DNAH10: variants seen among roughly 807,000 people sequenced by gnomAD.
The protein encoded by DNAH10 is axonemal beta dynein heavy chain 10.
A neutral mutation model predicts 506.6 loss-of-function variants in DNAH10; 348 were observed. The observed-to-expected ratio is 0.69, with a 90% CI of 0.63 to 0.75. The LOEUF is 0.75. Among genes scored for constraint, DNAH10 ranks in the 30% least tolerant of loss-of-function variants. The pLI is 0.00. For synonymous variants in DNAH10, 2,059 were observed against 2,198.6 expected, an observed-to-expected ratio of 0.94 and a Z score of 1.78; for missense variants, 5,179 against 5,787.1, an observed-to-expected ratio of 0.89 and a Z score of 3.41.
chr12:123,813,136 T>A (rs759456787), intron 19 of DNAH10, 28 bp from the exon 20 acceptor site: 1 of 1,552,002 alleles, frequency 6.4e-7, no homozygotes, highest in South Asian at 1.2e-5. Flanking sequence ...TAAAATACTG[T>A]CTTTTCTCCT....
At chr12:123,799,575 C>G (rs765782996) in intron 14 of DNAH10, among the ~76,000 whole-genome samples, 2 of 152,148 alleles carry the variant, frequency 1.3e-5, no homozygotes, top group Non-Finnish European at 2.9e-5. Context: ...ACGGGCAGCC[C>G]TACTGACTTC....
At chr12:123,891,743 G>A (rs1010995240) in intron 52 of DNAH10, among the ~76,000 whole-genome samples, 10 of 152,134 alleles carry the variant, frequency 6.6e-5, no homozygotes, top group Non-Finnish European at 8.8e-5. Flanking sequence ...GACCATCCCC[G>A]GCTCCGTGAC....
Position 123,913,243 on chromosome 12 carries a change from A to G in DNAH10, c.10280A>G (p.Glu3427Gly). Reference sequence around the variant, plus strand: ...CTGGAAAAGCAGAAGCTGCAGGAAGAAGCCGAGATCATGGAGAGGCGGCTG... The same window carrying G: ...CTGGAAAAGCAGAAGCTGCAGGAAGGAGCCGAGATCATGGAGAGGCGGCTG... ...AILEKQKLQEEAEIMERRLIA... is the reference protein window; with the variant it reads ...AILEKQKLQEGAEIMERRLIA... Residue 3427 changes from glutamate to glycine, a missense_variant, in exon 60 of 79, where the codon GAA (glutamate) becomes GGA (glycine). Glu to Gly is a moderately conservative substitution (Grantham distance 98, BLOSUM62 -2). Transcript: ENST00000673944. The surrounding 1 kb of genome is among the most constrained non-coding windows in gnomAD (Gnocchi z 5.1). The G allele has an allele frequency of 6.2e-7, 1 of 1,609,518 alleles. No homozygotes were observed. The highest frequency in any genetic ancestry group is 2.2e-5 in the East Asian group (1 of 44,782).
rs1958187659 is a variant in DNAH10 at position 123,794,114 on chromosome 12, TA to T, written c.1986+4del. 7.6e-6 allele frequency: 9 copies of T among 1,180,936 alleles called. No individual in the cohort carries two copies. The highest frequency in any genetic ancestry group is 9.7e-6 in the Non-Finnish European group (9 of 930,762). The allele number at this position is 1,180,936 out of a possible 1,614,324, so 73.2% of individuals were successfully genotyped here. On this transcript the variant is annotated splice_donor_region_variant and intron_variant, in intron 12 of 78. Coordinates refer to ENST00000673944, the MANE Select transcript of DNAH10 (RefSeq NM_001372106.1). ...ATTCTTGCACAGTACTGTAAAGAGG[TA>T]ATTGAAAAATCGATAGCTGCCATAG...
intron 59 of DNAH10, among the ~76,000 whole-genome samples, chr12:123,911,299 G>T (rs1199778239): frequency 5.2e-5 from 1 of 19,132 alleles, no homozygotes; most frequent in Non-Finnish European, 1.2e-4. Context: ...GTCCTGGGGG[G>T]TCTGTCCTGG....
chr12:123,827,371 A>G (rs1960098816), intron 25 of DNAH10, among the ~76,000 whole-genome samples: 1 of 152,246 alleles, frequency 6.6e-6, no homozygotes, highest in African/African-American at 2.4e-5. Context: ...GAGATATTTT[A>G]CATTCTTCTT....
Position 123,826,755 on chromosome 12 carries a change from T to C in DNAH10, c.4248T>C (p.Ile1416=). ...NLNVQILQEG[I]EGFLRALRKL... is the part of the protein sequence containing the mutation. ...ATGTGCAGATTCTCCAGGAAGGAATTGAAGGTTTTCTCAGGGCTCTCAGAA... is the reference window on the plus strand; with the variant it reads ...ATGTGCAGATTCTCCAGGAAGGAATCGAAGGTTTTCTCAGGGCTCTCAGAA... Residue 1416 remains isoleucine (I), a synonymous_variant, in exon 25 of 79, where the codon ATT becomes ATC. Coordinates refer to ENST00000673944, the MANE Select transcript of DNAH10 (RefSeq NM_001372106.1). 1 of 1,613,928 alleles carries C rather than the reference T, an allele frequency of 6.2e-7. No homozygotes were observed. Among genetic ancestry groups the C allele is most frequent in the East Asian group, 2.2e-5 (1 of 44,882 alleles).
chr12:123,857,327 A>G (rs1329375862), intron 37 of DNAH10, 80 bp downstream of exon 37: 14 of 1,284,914 alleles, frequency 1.1e-5, no homozygotes, highest in Non-Finnish European at 1.4e-5. Context: ...TTAAAAATAT[A>G]TGTACAGTAA....
Position 123,853,416 on chromosome 12 carries a change from T to G in DNAH10, c.6438+64T>G. 6.4e-7 allele frequency: 1 copy of G among 1,554,054 alleles called. No individual in the cohort carries two copies. Among genetic ancestry groups the G allele is most frequent in the Non-Finnish European group, 8.7e-7 (1 of 1,148,986 alleles). The stretch of plus-strand genomic sequence containing the variant: ...GCTTCAGGCATTTACTACGTGCCAT[T>G]GGGGAGGTGATGGGCACAGTATGGT... On this transcript the variant is annotated intron_variant, in intron 36 of 78. Transcript: ENST00000673944. This position sits in a 1 kb window ranked among gnomAD's most constrained non-coding sequence, Gnocchi z 4.7.
chr12:123,881,854 A>G, intron 51 of DNAH10, 41 bp downstream of exon 51: 1 of 1,429,930 alleles, frequency 7.0e-7, no homozygotes, highest in African/African-American at 1.5e-5. Context: ...TTACGATGCC[A>G]GTTTCTGCAG....
chr12:123,799,356 G>A lies in DNAH10; in HGVS notation c.2274G>A (p.Lys758=). Residue 758 remains lysine, a synonymous_variant, in exon 14 of 79, where the codon AAG becomes AAA. Transcript: ENST00000673944. Reference sequence around the variant, plus strand: ...AGGTGCTGCCAGCTCTCATGAAGAAGAGCCTTTTGACCAAGGTGCGCTGCC... The same window carrying A: ...AGGTGCTGCCAGCTCTCATGAAGAAAAGCCTTTTGACCAAGGTGCGCTGCC... The part of the protein sequence containing the change: ...TEQVLPALMK[K]SLLTKSSIAT... 6.2e-7 allele frequency: 1 copy of A among 1,612,282 alleles called. No individual in the cohort carries two copies. The highest frequency in any genetic ancestry group is 8.5e-7 in the Non-Finnish European group (1 of 1,178,672).
At position 123,926,969 on chromosome 12, in the gene DNAH10, G is replaced by T; in HGVS notation, c.12105+149G>T. 1 of 798,844 alleles carries T rather than the reference G, an allele frequency of 1.3e-6. No individual in the cohort carries two copies. The highest frequency in any genetic ancestry group is 2.0e-6 in the Non-Finnish European group (1 of 510,756). 49.5% of individuals were successfully genotyped at this position (798,844 alleles called of 1,614,324 possible). A position where few individuals can be genotyped will look rare whatever the true frequency, so the allele number is the denominator to read the frequency against. On this transcript the variant is annotated intron_variant, in intron 69 of 78. Coordinates refer to ENST00000673944, the MANE Select transcript of DNAH10 (RefSeq NM_001372106.1). This position sits in a 1 kb window ranked among gnomAD's most constrained non-coding sequence, Gnocchi z 4.1. ...CTAAGAAGCAGTAATGAAACACTGG[G>T]AAGATGACAATAATAGTTATGATTT...
chr12:123,841,185 C>A, intron 29 of DNAH10, 137 bp from the exon 30 acceptor site: 1 of 832,280 alleles, frequency 1.2e-6, no homozygotes, highest in Non-Finnish European at 2.0e-6. Flanking sequence ...TGAACGACAT[C>A]CATCTTGCCT....
In DNAH10 at chr12:123,859,237, G is replaced by T. The variant is rs1317911819; in HGVS notation, c.6718G>T (p.Val2240Phe). Residue 2240 changes from valine (V) to phenylalanine (F), a missense_variant, in exon 38 of 79, where the codon GTC becomes TTC. By Grantham distance (50) the Val-to-Phe change is conservative. Transcript: ENST00000673944. ...VGPTRGGKSVVINTLCQAQTK... is the reference protein window; with the variant it reads ...VGPTRGGKSVFINTLCQAQTK... Reference sequence around the variant, plus strand: ...GCCCACCAGAGGGGGCAAGTCCGTCGTCATTAACACTCTGTGTCAGGCCCA... The same window carrying T: ...GCCCACCAGAGGGGGCAAGTCCGTCTTCATTAACACTCTGTGTCAGGCCCA... 1 of 1,609,848 alleles carries T rather than the reference G, an allele frequency of 6.2e-7. No individual in the cohort carries two copies. The highest frequency in any genetic ancestry group is 2.2e-5 in the East Asian group (1 of 44,624).
intron 37 of DNAH10, 105 bp from the exon 38 acceptor site, chr12:123,859,045 G>A (rs1951509294): frequency 9.4e-7 from 1 of 1,068,948 alleles, no homozygotes; most frequent in African/African-American, 1.6e-5. Context: ...CCATTGACTT[G>A]TACCCTTTCA....
At chr12:123,819,600 C>G (rs1201990635) in intron 23 of DNAH10, among the ~76,000 whole-genome samples, 2 of 151,922 alleles carry the variant, frequency 1.3e-5, no homozygotes, top group East Asian at 3.9e-4. Context: ...ATCTGCCTCT[C>G]TAATGCCTGT....
intron 47 of DNAH10, among the ~76,000 whole-genome samples, chr12:123,876,645 A>T (rs867591550): frequency 4.6e-5 from 7 of 151,792 alleles, no homozygotes; most frequent in East Asian, 3.9e-4. Flanking sequence ...ATAAAAAAAT[A>T]AAAAAATTAA....
chr12:123,790,091 T>C lies in DNAH10; in HGVS notation c.1785T>C (p.Tyr595=). 1 of 1,614,176 alleles carries C rather than the reference T, an allele frequency of 6.2e-7. No individual in the cohort carries two copies. The highest frequency in any genetic ancestry group is 8.5e-7 in the Non-Finnish European group (1 of 1,180,044). Residue 595 remains tyrosine (Y), a synonymous_variant, in exon 11 of 79, where the codon TAT becomes TAC. Coordinates refer to ENST00000673944, the MANE Select transcript of DNAH10 (RefSeq NM_001372106.1). ...TCAAGTCCTCCCAGTTCTGGAAATATGTGATGGATGAATTCAAGATTGAAG... is the reference window on the plus strand; with the variant it reads ...TCAAGTCCTCCCAGTTCTGGAAATACGTGATGGATGAATTCAAGATTGAAG... ...FSIKSSQFWK[Y]VMDEFKIEVL... is the part of the protein sequence containing the mutation.
At chr12:123,778,763 GTTCTT>G (rs1197271035) in intron 5 of DNAH10, among the ~76,000 whole-genome samples, 7 of 152,108 alleles carry the variant, frequency 4.6e-5, no homozygotes, top group Non-Finnish European at 1.0e-4. Context: ...AAGAGACACA[GTTCTT>G]ACTCTATTGC....
Sources: allele counts gnomAD v4.1 joint callset (sites outside exome capture counted in the v4.1 genomes callset), GRCh38; gene constraint gnomAD v4.1.1; non-coding constraint Gnocchi (gnomAD v3.1); transcripts MANE v1.5; gene names NCBI Gene and HGNC (gene_info 2026-07-23, HGNC 2026-07-21).